The following POLD1 variants were observed in gnomAD, a reference collection of about 807,000 sequenced individuals.
The protein encoded by POLD1 is DNA polymerase delta catalytic subunit.
Under a neutral mutation model 129.7 loss-of-function variants are expected in POLD1, and 79 were observed. The ratio of observed to expected loss-of-function variants is 0.61; its 90% CI spans 0.51 to 0.73. The LOEUF is 0.73. POLD1 is among the 30% of genes least tolerant of loss of function. The pLI, the probability that POLD1 is intolerant of heterozygous loss-of-function variation, is 0.00. For synonymous variants in POLD1, 714 were observed against 683.3 expected (o/e 1.04, Z -0.70); for missense variants, 1,338 against 1,595.8 (o/e 0.84, Z 2.75).
intron 17 of POLD1, among the ~76,000 whole-genome samples, chr19:50,410,136 G>T (rs1337147436): frequency 6.6e-6 from 1 of 152,210 alleles, no homozygotes; most frequent in Non-Finnish European, 1.5e-5. Context: ...CGTCCCCACG[G>T]CAGCGTCCCG....
intron 10 of POLD1, among the ~76,000 whole-genome samples, chr19:50,405,260 C>T (rs747284292): frequency 2.6e-5 from 4 of 152,196 alleles, no homozygotes; most frequent in Non-Finnish European, 4.4e-5. Flanking sequence ...GGGCCCACCC[C>T]AGTGACCTCA....
At chr19:50,398,040 G>A (rs1379062278) in intron 1 of POLD1, among the ~76,000 whole-genome samples, 1 of 152,188 alleles carries the variant, frequency 6.6e-6, no homozygotes, top group African/African-American at 2.4e-5. Flanking sequence ...ACAATATGAT[G>A]TGCATACCGC....
intron 1 of POLD1, among the ~76,000 whole-genome samples, chr19:50,386,326 CAG>C (rs1378734333): frequency 6.6e-6 from 1 of 151,742 alleles, no homozygotes; most frequent in East Asian, 1.9e-4. Flanking sequence ...TTAGTAGAGA[CAG>C]GGTTTTGTCA....
rs746377890 is a variant in POLD1, at chr19:50,417,215, G to A, written c.3164G>A (p.Trp1055Ter). 1.2e-6 allele frequency: 2 copies of A among 1,606,582 alleles called. No homozygotes were observed. The highest frequency in any genetic ancestry group is 1.1e-5 in the South Asian group (1 of 90,544). Residue 1055 changes from tryptophan (W) to a stop codon, truncating the protein, a stop_gained, in exon 26 of 27, where the codon TGG becomes TAG. Transcript: ENST00000440232. LOFTEE classifies it high-confidence loss of function. Reference sequence around the variant, plus strand: ...CTGGAGGAGCGCTTCTCGCGCCTCTGGACGCAGTGCCAGCGCTGCCAGGGC... The same window carrying A: ...CTGGAGGAGCGCTTCTCGCGCCTCTAGACGCAGTGCCAGCGCTGCCAGGGC... The part of the protein sequence containing the change: ...NALEERFSRL[W>*]TQCQRCQGSL...
At chr19:50,396,917 G>A (rs1307480619) in intron 1 of POLD1, among the ~76,000 whole-genome samples, 5 of 150,228 alleles carry the variant, frequency 3.3e-5, no homozygotes, top group Admixed American at 6.7e-5. Context: ...CCAACATGGC[G>A]AAACCCTGTC....
Position 50,406,078 on chromosome 19 carries a change from C to T in POLD1, c.1243-104C>T. 1.4e-6 allele frequency: 2 copies of T among 1,434,018 alleles called. No individual in the cohort carries two copies. Among genetic ancestry groups the T allele is most frequent in the East Asian group, 2.3e-5 (1 of 43,682 alleles). The allele number at this position is 1,434,018 out of a possible 1,614,324, so 88.8% of individuals were successfully genotyped here. A position where few individuals can be genotyped will look rare whatever the true frequency, so the allele number is the denominator to read the frequency against. ...CTGCCCCCAGGGTTGCTCTCGACCC[C>T]CTAGGGTTGTTATAAGGATGTTGTG... On this transcript the variant is annotated intron_variant, in intron 10 of 26. Coordinates refer to ENST00000440232, the MANE Select transcript of POLD1 (RefSeq NM_002691.4). The surrounding 1 kb of genome is among the most constrained non-coding windows in gnomAD (Gnocchi z 5.5).
intron 20 of POLD1, 152 bp downstream of exon 20, chr19:50,415,142 C>T: frequency 1.4e-6 from 1 of 726,592 alleles, no homozygotes; most frequent in Non-Finnish European, 2.1e-6. Flanking sequence ...GTCAGGGCCC[C>T]CAGCCCCTTC....
chr19:50,406,372 A>G lies in POLD1; in HGVS notation c.1384-35A>G, dbSNP rs115643912. 9.6e-4 allele frequency: 1,539 copies of G among 1,610,922 alleles called. 9 individuals are homozygous for G. In the African/African-American group the frequency reaches 0.011, roughly 12 times the overall value. ...CCCTGTCCTTGGAAGGCCACTGCCC[A>G]GGCCCGCAGCCCACCAGCCCACCCA... On this transcript the variant is annotated intron_variant, in intron 11 of 26. Coordinates refer to ENST00000440232, the MANE Select transcript of POLD1 (RefSeq NM_002691.4). This position sits in a 1 kb window ranked among gnomAD's most constrained non-coding sequence, Gnocchi z 5.5.
At chr19:50,395,937 TA>T (rs1221592467) in intron 1 of POLD1, among the ~76,000 whole-genome samples, 1 of 148,142 alleles carries the variant, frequency 6.8e-6, no homozygotes, top group Non-Finnish European at 1.5e-5. Flanking sequence ...AGTCCAGTCT[TA>T]AACTCCTGGG....
intron 1 of POLD1, among the ~76,000 whole-genome samples, chr19:50,392,260 G>T (rs946310029): frequency 1.3e-5 from 2 of 151,802 alleles, no homozygotes; most frequent in Non-Finnish European, 2.9e-5. Context: ...TGTAGAGATT[G>T]ACTAATTTTT....
intron 3 of POLD1, among the ~76,000 whole-genome samples, chr19:50,401,391 A>ATTTTTTTTTTT (rs1203165864): frequency 1.5e-4 from 10 of 65,948 alleles, no homozygotes; most frequent in East Asian, 9.6e-4. Context: ...ATATATATAT[A>ATTTTTTTTTTT]TTTTTTTTTT....
At chr19:50,407,476 A>T (rs1245217879) in intron 14 of POLD1, 61 bp downstream of exon 14, 13 of 1,163,030 alleles carry the variant, frequency 1.1e-5, no homozygotes, top group Non-Finnish European at 1.5e-5. Flanking sequence ...AGGTGGGAGG[A>T]TCACTTGAGC....
intron 19 of POLD1, among the ~76,000 whole-genome samples, chr19:50,414,364 C>T (rs987686148): frequency 1.3e-5 from 2 of 152,276 alleles, no homozygotes; most frequent in Non-Finnish European, 2.9e-5. Context: ...GCGATCCTCC[C>T]GCCTTGGCCT....
chr19:50,403,132 C>T lies in POLD1; in HGVS notation c.1050C>T (p.Phe350=). The part of the protein sequence containing the change: ...LGLRWGEPEP[F]LRLALTLRPC... Reference sequence around the variant, plus strand: ...TGCGCTGGGGGGAGCCGGAGCCCTTCCTACGCCTGGCGCTCACCCTGCGGC... The same window carrying T: ...TGCGCTGGGGGGAGCCGGAGCCCTTTCTACGCCTGGCGCTCACCCTGCGGC... The change falls in exon 9 of 27, where the codon TTC becomes TTT. Residue 350 remains phenylalanine, a synonymous_variant. Coordinates refer to ENST00000440232, the MANE Select transcript of POLD1 (RefSeq NM_002691.4). The T allele has an allele frequency of 6.4e-7, 1 of 1,562,246 alleles. No homozygotes were observed. The highest frequency in any genetic ancestry group is 8.7e-7 in the Non-Finnish European group (1 of 1,152,826).
intron 10 of POLD1, among the ~76,000 whole-genome samples, chr19:50,405,291 A>G (rs1028642205): frequency 7.2e-5 from 11 of 152,196 alleles, no homozygotes; most frequent in Admixed American, 3.3e-4. Context: ...ACCCCCTGCG[A>G]AGACATATTT....
chr19:50,399,723 G>A (rs1236974141), intron 3 of POLD1, among the ~76,000 whole-genome samples: 2 of 152,222 alleles, frequency 1.3e-5, no homozygotes, highest in Non-Finnish European at 2.9e-5. Context: ...TGCTTGGAGC[G>A]TTGATCTGTT....
intron 1 of POLD1, among the ~76,000 whole-genome samples, chr19:50,389,348 C>G (rs570727036): frequency 6.6e-6 from 1 of 151,688 alleles, no homozygotes; most frequent in African/African-American, 2.4e-5. Context: ...TCTCAAACTC[C>G]TGGGTTCAAG....
chr19:50,415,667 G>GCCCCCCCCCCCCCCCCCCCCCCC, intron 21 of POLD1, 57 bp from the exon 22 acceptor site: 1 of 1,462,200 alleles, frequency 6.8e-7, no homozygotes, highest in Middle Eastern at 2.4e-4. Context: ...CTACACCCTC[G>GCCCCCCCCCCCCCCCCCCCCCCC]CCCCCACCCC....
At chr19:50,392,914 A>T (rs566967346) in intron 1 of POLD1, among the ~76,000 whole-genome samples, 41 of 152,248 alleles carry the variant, frequency 2.7e-4, no homozygotes, top group Non-Finnish European at 5.6e-4. Flanking sequence ...AACCTTCCCT[A>T]TCAGTACACA....
Sources: allele counts gnomAD v4.1 joint callset (sites outside exome capture counted in the v4.1 genomes callset), GRCh38; gene constraint gnomAD v4.1.1; non-coding constraint Gnocchi (gnomAD v3.1); transcripts MANE v1.5; gene names NCBI Gene and HGNC (gene_info 2026-07-23, HGNC 2026-07-21).